Variants in ZNF529 observed in about 807,000 individuals in gnomAD.
ZNF529 encodes the protein zinc finger protein 529.
A neutral mutation model predicts 10.1 loss-of-function variants in ZNF529; 11 were observed. The ratio of observed to expected loss-of-function variants is 1.09; its 90% CI spans 0.69 to 1.81. The LOEUF (loss-of-function observed/expected upper bound fraction) is 1.81, where lower values mean the gene tolerates loss of function less well. ZNF529 is among the 40% of genes most tolerant of loss of function. ZNF529 has a pLI of 0.00. For synonymous variants in ZNF529, 204 were observed against 215.7 expected, an observed-to-expected ratio of 0.95 and a Z score of 0.47; for missense variants, 624 against 666.8, an observed-to-expected ratio of 0.94 and a Z score of 0.71.
intron 2 of ZNF529, among the ~76,000 whole-genome samples, chr19:36,560,825 G>T (rs531426373): frequency 6.6e-6 from 1 of 152,282 alleles, no homozygotes; most frequent in African/African-American, 2.4e-5. Context: ...AGTGTTCAGG[G>T]TGCTGCTCGG....
At chr19:36,578,291 C>CTTTTTTTTTTTTTTTTT (rs1159725232), upstream of ZNF529, among the ~76,000 whole-genome samples, 2 of 31,794 alleles carry the variant, frequency 6.3e-5, 1 homozygote, top group Non-Finnish European at 1.1e-4. Context: ...GTCTTGATCT[C>CTTTTTTTTTTTTTTTTT]TTTTTTTTTT....
At position 36,547,754 on chromosome 19, in the gene ZNF529, T is replaced by A; in HGVS notation, c.804A>T (p.Lys268Asn). 6.2e-7 allele frequency: 1 copy of A among 1,613,390 alleles called. No homozygotes were observed. The highest frequency in any genetic ancestry group is 1.1e-5 in the South Asian group (1 of 90,910). Residue 268 changes from lysine (K) to asparagine (N), a missense_variant, in exon 5 of 5, where the codon AAA (lysine) becomes AAT (asparagine). Physicochemically the swap from Lys to Asn is moderately conservative, Grantham distance 94. Coordinates refer to ENST00000591340, the MANE Select transcript of ZNF529 (RefSeq NM_020951.5). Reference protein sequence around the residue: ...EYRRTFERVGKVTPLQRVHDG... With the variant: ...EYRRTFERVGNVTPLQRVHDG... ...CATGAACTCTTTGAAGTGGAGTAAC[T>A]TTTCCAACTCTTTCAAAGGTCCTTC...
At chr19:36,577,132 G>A, upstream of ZNF529, 1 of 450,538 alleles carries the variant, frequency 2.2e-6, no homozygotes, top group Non-Finnish European at 4.4e-6. Context: ...TTTGTATTTT[G>A]TATTTTAGGT....
chr19:36,599,827 C>G (rs541941650), intron 1 of ZNF529, among the ~76,000 whole-genome samples: 2 of 151,954 alleles, frequency 1.3e-5, no homozygotes, highest in Admixed American at 6.6e-5. Context: ...TAAAACCAAA[C>G]TGACCAAAAT....
At chr19:36,560,866 G>C (rs1480636411) in intron 2 of ZNF529, among the ~76,000 whole-genome samples, 1 of 152,132 alleles carries the variant, frequency 6.6e-6, no homozygotes. Context: ...TAAAATGTGA[G>C]AAGAAACAAT....
chr19:36,557,329 T>C (rs2035515517), intron 2 of ZNF529, among the ~76,000 whole-genome samples: 1 of 152,188 alleles, frequency 6.6e-6, no homozygotes, highest in Non-Finnish European at 1.5e-5. Context: ...CTCATGCTGC[T>C]ATAAGGATAT....
At position 36,547,715 on chromosome 19, in the gene ZNF529, G is replaced by A. The variant is rs767069480; in HGVS notation, c.843C>T (p.His281=). 24 of 1,613,768 alleles carry A rather than the reference G, an allele frequency of 1.5e-5. No individual in the cohort carries two copies. The highest frequency in any genetic ancestry group is 5.0e-5 in the Admixed American group (3 of 60,002). Residue 281 remains histidine, a synonymous_variant, in exon 5 of 5, where the codon CAC becomes CAT. Coordinates refer to ENST00000591340, the MANE Select transcript of ZNF529 (RefSeq NM_020951.5). ...PLQRVHDGEK[H]FECSFCGKSF... is the part of the protein sequence containing the mutation. ...ATTTCCCACAGAATGAGCATTCAAAGTGTTTCTCACCATCATGAACTCTTT... is the reference window on the plus strand; with the variant it reads ...ATTTCCCACAGAATGAGCATTCAAAATGTTTCTCACCATCATGAACTCTTT...
chr19:36,565,986 TTTTG>T (rs1407103100), intron 2 of ZNF529, among the ~76,000 whole-genome samples: 6 of 152,182 alleles, frequency 3.9e-5, no homozygotes, highest in Non-Finnish European at 7.4e-5. Context: ...AGGTCTGGAA[TTTTG>T]TTTGTTTGAG....
chr19:36,548,490 T>G (rs983095534), intron 4 of ZNF529, among the ~76,000 whole-genome samples, 168 bp from the exon 5 acceptor site: 1 of 152,218 alleles, frequency 6.6e-6, no homozygotes, highest in Non-Finnish European at 1.5e-5. Flanking sequence ...TTATGAGGAT[T>G]GTGATAAAGG....
chr19:36,575,815 C>T (rs1451985788), upstream of ZNF529, among the ~76,000 whole-genome samples: 1 of 151,814 alleles, frequency 6.6e-6, no homozygotes, highest in Non-Finnish European at 1.5e-5. Context: ...TATAGAAACT[C>T]TAAGAGGTTT....
upstream of ZNF529, among the ~76,000 whole-genome samples, chr19:36,573,868 T>G (rs1190550457): frequency 6.6e-6 from 1 of 152,168 alleles, no homozygotes; most frequent in Non-Finnish European, 1.5e-5. Context: ...CCACTCTGGC[T>G]TCTAAGTGTG....
upstream of ZNF529, among the ~76,000 whole-genome samples, chr19:36,574,317 T>C (rs1298722722): frequency 2.6e-5 from 4 of 152,186 alleles, no homozygotes; most frequent in African/African-American, 9.7e-5. Context: ...GAAAGAGTTA[T>C]TGACGTAAGA....
chr19:36,571,326 G>C (rs996892502), intron 2 of ZNF529, among the ~76,000 whole-genome samples: 1 of 152,048 alleles, frequency 6.6e-6, no homozygotes. Context: ...TGGATATATT[G>C]GTTTAAATAA....
intron 2 of ZNF529, chr19:36,589,512 G>A (rs1326287896): frequency 1.3e-5 from 2 of 152,146 alleles, no homozygotes; most frequent in African/African-American, 4.8e-5. Flanking sequence ...GAAAAGCAAG[G>A]AAATGTTTTC....
intron 2 of ZNF529, among the ~76,000 whole-genome samples, chr19:36,588,736 GAGAGA>G (rs982857968): frequency 3.3e-5 from 5 of 152,154 alleles, no homozygotes; most frequent in Admixed American, 3.3e-4. Context: ...AAGAAGTGGG[GAGAGA>G]AGAGAAACTT....
chr19:36,604,111 C>T (rs554016807), intron 1 of ZNF529, among the ~76,000 whole-genome samples: 1 of 152,202 alleles, frequency 6.6e-6, no homozygotes, highest in East Asian at 1.9e-4. Context: ...ACCCGGAAGG[C>T]GGAGGTTGCA....
At chr19:36,587,831 C>T (rs555342808) in intron 2 of ZNF529, among the ~76,000 whole-genome samples, 22 of 152,212 alleles carry the variant, frequency 1.4e-4, no homozygotes, top group African/African-American at 2.9e-4. Flanking sequence ...AGCACATTAA[C>T]GGTTGCCTAG....
intron 2 of ZNF529, among the ~76,000 whole-genome samples, chr19:36,560,257 C>CAAAAAA (rs58196878): frequency 1.9e-5 from 2 of 104,318 alleles, no homozygotes; most frequent in Non-Finnish European, 3.8e-5. Flanking sequence ...AACTCCGTCT[C>CAAAAAA]AAAAAAAAAA....
At chr19:36,573,769 C>G (rs1205068726), upstream of ZNF529, among the ~76,000 whole-genome samples, 2 of 152,146 alleles carry the variant, frequency 1.3e-5, no homozygotes, top group African/African-American at 4.8e-5. Flanking sequence ...ACTGGAGGGC[C>G]GGGCTGGGAA....
Sources: allele counts gnomAD v4.1 joint callset (sites outside exome capture counted in the v4.1 genomes callset), GRCh38; gene constraint gnomAD v4.1.1; transcripts MANE v1.5; gene names NCBI Gene and HGNC (gene_info 2026-07-23, HGNC 2026-07-21).